The following PLRG1 variants were observed in gnomAD, a reference collection of about 807,000 sequenced individuals.
The protein encoded by PLRG1 is pleiotropic regulator 1 (PRL1 homolog, Arabidopsis).
PLRG1 carries 28 observed loss-of-function variants against 74.9 expected under a neutral mutation model. That is an observed-to-expected ratio of 0.37 (90% CI 0.28 to 0.51). The LOEUF (loss-of-function observed/expected upper bound fraction) is 0.51. PLRG1 is among the 20% of genes least tolerant of loss of function. PLRG1 has a pLI of 0.91. For synonymous variants in PLRG1, 197 were observed against 212.4 expected (o/e 0.93, Z 0.63); for missense variants, 445 against 631.9 (o/e 0.70, Z 3.17).
chr4:154,549,012 C>T, intron 1 of PLRG1, 77 bp from the exon 2 acceptor site: 1 of 852,010 alleles, frequency 1.2e-6, no homozygotes, highest in Non-Finnish European at 2.0e-6. Flanking sequence ...TGATTATACA[C>T]TTCACGTGTT....
rs932637590 is a variant in PLRG1 at position 154,539,812 on chromosome 4, T to C, written c.1042+139A>G. On this transcript the variant is annotated intron_variant, in intron 11 of 14. Coordinates refer to ENST00000499023, the MANE Select transcript of PLRG1 (RefSeq NM_002669.4). ...GAAATTTCATTTGAATACATTTCAA[T>C]TGTCCATGATTAAAATATGACACAG... 20 of 651,808 alleles carry C rather than the reference T, an allele frequency of 3.1e-5. No homozygotes were observed. In the African/African-American group the frequency reaches 3.3e-4, roughly 11 times the overall value. 40.4% of individuals were successfully genotyped at this position (651,808 alleles called of 1,614,324 possible).
chr4:154,546,864 T>C (rs1187327094), intron 4 of PLRG1, 147 bp downstream of exon 4: 3 of 667,474 alleles, frequency 4.5e-6, no homozygotes, highest in Non-Finnish European at 8.2e-6. Flanking sequence ...ATATGAGTAT[T>C]CATTATTACC....
At chr4:154,542,023 T>C (rs1017804903) in intron 8 of PLRG1, 164 bp downstream of exon 8, 12 of 574,118 alleles carry the variant, frequency 2.1e-5, no homozygotes, top group Non-Finnish European at 3.1e-5. Flanking sequence ...CAAACAGATA[T>C]TTATTTAGAA....
Position 154,550,327 on chromosome 4 carries a change from A to C in PLRG1, c.-19T>G. ...CGACCATGATGCTACCGTGTATCCCACCTCCGGCAGGGAAGAAACTCTAAT... is the reference window on the plus strand; with the variant it reads ...CGACCATGATGCTACCGTGTATCCCCCCTCCGGCAGGGAAGAAACTCTAAT... On this transcript the variant is annotated 5_prime_UTR_variant, in exon 1 of 15. Transcript: ENST00000499023. 1 of 1,612,004 alleles carries C rather than the reference A, an allele frequency of 6.2e-7. No homozygotes were observed. Among genetic ancestry groups the C allele is most frequent in the Non-Finnish European group, 8.5e-7 (1 of 1,178,128 alleles).
At chr4:154,548,784 G>A (rs1729704282) in intron 2 of PLRG1, 45 bp downstream of exon 2, 1 of 955,740 alleles carries the variant, frequency 1.0e-6, no homozygotes, top group African/African-American at 1.7e-5. Context: ...CCTAGTATTA[G>A]AATGTTAAGT....
chr4:154,535,620 G>A lies in PLRG1; in HGVS notation c.*1065C>T, dbSNP rs1578764082. 6.6e-6 allele frequency: 1 copy of A among 151,612 alleles called. No individual in the cohort carries two copies. Among genetic ancestry groups the A allele is most frequent in the Non-Finnish European group, 1.5e-5 (1 of 67,848 alleles). 9.4% of individuals were successfully genotyped at this position (151,612 alleles called of 1,614,324 possible). ...TAACTGTGTTTTCTAATTATAGAAGGTGAAGTCTGACAAATCTTGATTAAT... is the reference window on the plus strand; with the variant it reads ...TAACTGTGTTTTCTAATTATAGAAGATGAAGTCTGACAAATCTTGATTAAT... On this transcript the variant is annotated 3_prime_UTR_variant, in exon 15 of 15. Coordinates refer to ENST00000499023, the MANE Select transcript of PLRG1 (RefSeq NM_002669.4).
chr4:154,540,206 C>T (rs985530478), intron 10 of PLRG1, 153 bp from the exon 11 acceptor site: 1 of 598,154 alleles, frequency 1.7e-6, no homozygotes, highest in Non-Finnish European at 3.0e-6. Flanking sequence ...GATTTACAAA[C>T]TGGAGGACGA....
At position 154,535,588 on chromosome 4, in the gene PLRG1, GTTCT is replaced by G. The variant is rs1384845541; in HGVS notation, c.*1093_*1096del. On this transcript the variant is annotated 3_prime_UTR_variant, in exon 15 of 15. Transcript: ENST00000499023. ...ATTTGGAAAATTTAAAAAATTGACT[GTTCT>G]TATAACTGTGTTTTCTAATTATAGA... 6.6e-6 allele frequency: 1 copy of G among 151,408 alleles called. No homozygotes were observed. Among genetic ancestry groups the G allele is most frequent in the Non-Finnish European group, 1.5e-5 (1 of 67,812 alleles). The allele number at this position is 151,408 out of a possible 1,614,324, so 9.4% of individuals were successfully genotyped here.
rs1291703556 is a variant in PLRG1, at chr4:154,535,923, TG to T, written c.*761del. The T allele has an allele frequency of 6.6e-6, 1 of 152,210 alleles. No individual in the cohort carries two copies. The highest frequency in any genetic ancestry group is 2.4e-5 in the African/African-American group (1 of 41,438). The allele number at this position is 152,210 out of a possible 1,614,324, so 9.4% of individuals were successfully genotyped here. A position where few individuals can be genotyped will look rare whatever the true frequency, so the allele number is the denominator to read the frequency against. ...TATTCGACAGTAGCAGAACATTCTTTGTCCCAGAACACACCGCACACTTTCT... is the reference window on the plus strand; with the variant it reads ...TATTCGACAGTAGCAGAACATTCTTTTCCCAGAACACACCGCACACTTTCT... On this transcript the variant is annotated 3_prime_UTR_variant, in exon 15 of 15. Transcript: ENST00000499023.
At chr4:154,548,776 T>C (rs1729704172) in intron 2 of PLRG1, 53 bp downstream of exon 2, 7 of 898,330 alleles carry the variant, frequency 7.8e-6, no homozygotes, top group Non-Finnish European at 1.3e-5. Flanking sequence ...TCTCTTCCCC[T>C]AGTATTAGAA....
intron 3 of PLRG1, 142 bp downstream of exon 3, chr4:154,547,569 C>T (rs1340527416): frequency 2.8e-6 from 2 of 713,230 alleles, no homozygotes; most frequent in African/African-American, 1.8e-5. Context: ...AGGATCAAAA[C>T]TTCCATTATA....
chr4:154,548,462 T>C (rs1291806105), intron 2 of PLRG1, among the ~76,000 whole-genome samples: 1 of 151,778 alleles, frequency 6.6e-6, no homozygotes, highest in African/African-American at 2.4e-5. Context: ...CACTCAAAAA[T>C]CTTCATCATA....
rs1007095919 is a variant in PLRG1 at position 154,540,688 on chromosome 4, C to T, written c.845G>A (p.Arg282Gln). Residue 282 changes from arginine (R) to glutamine (Q), a missense_variant, in exon 10 of 15, where the codon CGG (arginine) becomes CAG (glutamine). By Grantham distance (43) the Arg-to-Gln change is conservative. Transcript: ENST00000499023. ...CWDLEYNKVI[R>Q]HYHGHLSAVY... ...TGCACTTAAATGTCCATGATAATGCCGTATAACCTAAAGACAAAGCAGGAA... is the reference window on the plus strand; with the variant it reads ...TGCACTTAAATGTCCATGATAATGCTGTATAACCTAAAGACAAAGCAGGAA... The T allele has an allele frequency of 1.2e-6, 2 of 1,612,100 alleles. No homozygotes were observed. Among genetic ancestry groups the T allele is most frequent in the African/African-American group, 2.7e-5 (2 of 74,812 alleles).
At position 154,539,222 on chromosome 4, in the gene PLRG1, G is replaced by C; in HGVS notation, c.1043-9C>G. On this transcript the variant is annotated splice_polypyrimidine_tract_variant and intron_variant, in intron 11 of 14. Coordinates refer to ENST00000499023, the MANE Select transcript of PLRG1 (RefSeq NM_002669.4). Reference sequence around the variant, plus strand: ...TGTAGTATCATGGCTTCCTGTAATGGAAACACATATATCCCTCAAAACATA... The same window carrying C: ...TGTAGTATCATGGCTTCCTGTAATGCAAACACATATATCCCTCAAAACATA... 1.4e-6 allele frequency: 2 copies of C among 1,455,802 alleles called. No homozygotes were observed. Among genetic ancestry groups the C allele is most frequent in the Non-Finnish European group, 1.9e-6 (2 of 1,035,958 alleles). 90.2% of individuals were successfully genotyped at this position (1,455,802 alleles called of 1,614,324 possible). A position where few individuals can be genotyped will look rare whatever the true frequency, so the allele number is the denominator to read the frequency against.
chr4:154,536,622 C>T lies in PLRG1; in HGVS notation c.*63G>A, dbSNP rs374872052. On this transcript the variant is annotated 3_prime_UTR_variant, in exon 15 of 15. Coordinates refer to ENST00000499023, the MANE Select transcript of PLRG1 (RefSeq NM_002669.4). ...CAAAATGACTGGATATCCTCATGAA[C>T]GCCAAGCTTTTTTTTTTTTAATTAA... The T allele has an allele frequency of 1.8e-3, 1,598 of 880,878 alleles. 12 individuals carry two copies. Among genetic ancestry groups the T allele is most frequent in the Middle Eastern group, 6.1e-3 (19 of 3,102 alleles). The allele number at this position is 880,878 out of a possible 1,614,324, so 54.6% of individuals were successfully genotyped here.
intron 6 of PLRG1, 122 bp downstream of exon 6, chr4:154,545,714 G>A: frequency 1.8e-6 from 1 of 571,188 alleles, no homozygotes; most frequent in East Asian, 3.1e-5. Context: ...TTGAGTTTTA[G>A]GGCTATGAAA....
intron 7 of PLRG1, chr4:154,543,924 T>G (rs1161931743): frequency 6.6e-6 from 1 of 152,332 alleles, no homozygotes; most frequent in Non-Finnish European, 1.5e-5. Flanking sequence ...AGGCAAGCAA[T>G]GCAAAATAAA....
intron 8 of PLRG1, 54 bp downstream of exon 8, chr4:154,542,133 A>C (rs112730416): frequency 7.1e-5 from 79 of 1,105,882 alleles, no homozygotes; most frequent in Non-Finnish European, 1.0e-4. Flanking sequence ...ATAACTGATT[A>C]AACTTACATG....
chr4:154,547,170 A>C, intron 3 of PLRG1, 106 bp from the exon 4 acceptor site: 1 of 838,726 alleles, frequency 1.2e-6, no homozygotes, highest in South Asian at 1.4e-5. Flanking sequence ...GGATCTATCA[A>C]ATTTTCTCAA....
Sources: gnomAD v4.1 joint callset for allele counts (sites outside exome capture counted in the v4.1 genomes callset) on GRCh38, gnomAD v4.1.1 for gene constraint, MANE v1.5 for transcripts, NCBI Gene and HGNC (gene_info 2026-07-23, HGNC 2026-07-21) for gene names.